MYOZ2: variants seen among roughly 807,000 people sequenced by gnomAD.
MYOZ2 encodes the protein myozenin 2.
MYOZ2 carries 19 observed loss-of-function variants against 25.4 expected under a neutral mutation model. The ratio of observed to expected loss-of-function variants is 0.75; its 90% CI spans 0.52 to 1.10. The LOEUF (loss-of-function observed/expected upper bound fraction) is 1.10, where lower values mean the gene tolerates loss of function less well. Among genes scored for constraint, MYOZ2 ranks in the 50% least tolerant of loss-of-function variants. The pLI, the probability that MYOZ2 is intolerant of heterozygous loss-of-function variation, is 0.00. For synonymous variants in MYOZ2, 92 were observed against 106.9 expected, an observed-to-expected ratio of 0.86 and a Z score of 0.86; for missense variants, 270 against 317.9, an observed-to-expected ratio of 0.85 and a Z score of 1.15.
intron 5 of MYOZ2, among the ~76,000 whole-genome samples, chr4:119,180,371 C>T (rs879735105): frequency 1.3e-5 from 2 of 152,130 alleles, no homozygotes; most frequent in African/African-American, 2.4e-5. Context: ...ACTCCTGATT[C>T]CCACCTATGC....
intron 3 of MYOZ2, among the ~76,000 whole-genome samples, chr4:119,154,779 T>G (rs894651370): frequency 6.6e-6 from 1 of 151,908 alleles, no homozygotes; most frequent in African/African-American, 2.4e-5. Flanking sequence ...AGTAAAAACA[T>G]AAAGATACTA....
chr4:119,152,083 A>G (rs1412681449), intron 3 of MYOZ2, among the ~76,000 whole-genome samples: 1 of 152,162 alleles, frequency 6.6e-6, no homozygotes, highest in African/African-American at 2.4e-5. Flanking sequence ...TGTTGAGAGG[A>G]CACTTAACAA....
At chr4:119,153,665 A>G (rs1370082387) in intron 3 of MYOZ2, among the ~76,000 whole-genome samples, 2 of 152,078 alleles carry the variant, frequency 1.3e-5, no homozygotes, top group African/African-American at 2.4e-5. Flanking sequence ...GACCTCATAT[A>G]AATGAAAATA....
At chr4:119,167,372 G>C (rs1741845809) in intron 5 of MYOZ2, among the ~76,000 whole-genome samples, 1 of 152,200 alleles carries the variant, frequency 6.6e-6, no homozygotes, top group African/African-American at 2.4e-5. Context: ...GGCTTAGAGA[G>C]AGGCAAGGGA....
At chr4:119,151,540 A>T (rs1158276613) in intron 3 of MYOZ2, among the ~76,000 whole-genome samples, 1 of 152,104 alleles carries the variant, frequency 6.6e-6, no homozygotes, top group African/African-American at 2.4e-5. Context: ...CACTAATGAC[A>T]AAAACTAGTT....
intron 5 of MYOZ2, among the ~76,000 whole-genome samples, chr4:119,171,111 A>G (rs1741936699): frequency 1.3e-5 from 2 of 152,140 alleles, no homozygotes; most frequent in South Asian, 4.1e-4. Flanking sequence ...GTTTTCAGAG[A>G]AAGATGCTGT....
chr4:119,141,921 C>T (rs1321262206), intron 2 of MYOZ2, among the ~76,000 whole-genome samples: 1 of 152,204 alleles, frequency 6.6e-6, no homozygotes. Flanking sequence ...GCATTAGATT[C>T]CTTAACTCAC....
At chr4:119,157,776 A>G (rs1018543844) in intron 3 of MYOZ2, among the ~76,000 whole-genome samples, 2 of 152,178 alleles carry the variant, frequency 1.3e-5, no homozygotes, top group African/African-American at 4.8e-5. Context: ...GTAAGTCTCA[A>G]TTTCAGCTCT....
chr4:119,139,005 C>T (rs536136676), intron 2 of MYOZ2, among the ~76,000 whole-genome samples: 4 of 152,248 alleles, frequency 2.6e-5, no homozygotes, highest in African/African-American at 9.6e-5. Flanking sequence ...AAATTCTCTT[C>T]ATATAGATTA....
chr4:119,151,485 C>T (rs1245063938), intron 3 of MYOZ2, among the ~76,000 whole-genome samples: 1 of 152,082 alleles, frequency 6.6e-6, no homozygotes, highest in Non-Finnish European at 1.5e-5. Context: ...CATTCAATGC[C>T]CTCTCAAAGC....
At chr4:119,174,981 T>G (rs940256929) in intron 5 of MYOZ2, among the ~76,000 whole-genome samples, 1 of 151,878 alleles carries the variant, frequency 6.6e-6, no homozygotes, top group Non-Finnish European at 1.5e-5. Context: ...GCTTCACTCC[T>G]GAGCCAGTGA....
intron 3 of MYOZ2, among the ~76,000 whole-genome samples, chr4:119,155,462 C>T (rs1741552408): frequency 6.6e-6 from 1 of 151,952 alleles, no homozygotes; most frequent in African/African-American, 2.4e-5. Flanking sequence ...GAGACATTTC[C>T]GGTAGATTAA....
chr4:119,186,485 T>C lies in MYOZ2; in HGVS notation c.*285T>C, dbSNP rs1273116016. On this transcript the variant is annotated 3_prime_UTR_variant, in exon 6 of 6. Transcript: ENST00000307128. Reference sequence around the variant, plus strand: ...GCAAAAGTTCAGATGGAAAAGTAATTGACAGTTTCACCTTTGTCTCATTTT... The same window carrying C: ...GCAAAAGTTCAGATGGAAAAGTAATCGACAGTTTCACCTTTGTCTCATTTT... The C allele has an allele frequency of 1.0e-5, 4 of 399,412 alleles. No individual in the cohort carries two copies. Among genetic ancestry groups the C allele is most frequent in the Non-Finnish European group, 1.8e-5 (4 of 220,602 alleles). The allele number at this position is 399,412 out of a possible 1,614,324, so 24.7% of individuals were successfully genotyped here. A position where few individuals can be genotyped will look rare whatever the true frequency, so the allele number is the denominator to read the frequency against.
chr4:119,170,623 G>T (rs1741928186), intron 5 of MYOZ2, among the ~76,000 whole-genome samples: 1 of 152,188 alleles, frequency 6.6e-6, no homozygotes, highest in South Asian at 2.1e-4. Context: ...GAGGCAGAAA[G>T]TGTTCAAGCT....
intron 2 of MYOZ2, among the ~76,000 whole-genome samples, chr4:119,143,125 C>T (rs1191995696): frequency 6.6e-6 from 1 of 152,066 alleles, no homozygotes; most frequent in Non-Finnish European, 1.5e-5. Context: ...GTGGGGTACT[C>T]ATGGCTTAAT....
At chr4:119,147,549 T>G (rs1231880903) in intron 2 of MYOZ2, among the ~76,000 whole-genome samples, 2 of 152,058 alleles carry the variant, frequency 1.3e-5, no homozygotes, top group African/African-American at 4.8e-5. Flanking sequence ...GAGACCAGCC[T>G]GGCCAACGTG....
chr4:119,161,506 A>G (rs1741709432), intron 4 of MYOZ2, among the ~76,000 whole-genome samples: 1 of 152,290 alleles, frequency 6.6e-6, no homozygotes, highest in East Asian at 1.9e-4. Flanking sequence ...TTTCAGTTAT[A>G]TTAAAACATA....
At chr4:119,152,661 A>G (rs547380190) in intron 3 of MYOZ2, among the ~76,000 whole-genome samples, 96 of 152,222 alleles carry the variant, frequency 6.3e-4, no homozygotes, top group Non-Finnish European at 1.2e-3. Flanking sequence ...ACAATTTTTC[A>G]CTATTCCCTG....
At chr4:119,139,625 G>A (rs1463255419) in intron 2 of MYOZ2, among the ~76,000 whole-genome samples, 1 of 152,194 alleles carries the variant, frequency 6.6e-6, no homozygotes, top group Non-Finnish European at 1.5e-5. Context: ...CAATCAGAAT[G>A]AAATAAGGAG....
Sources: allele counts gnomAD v4.1 joint callset (sites outside exome capture counted in the v4.1 genomes callset), GRCh38; gene constraint gnomAD v4.1.1; transcripts MANE v1.5; gene names NCBI Gene and HGNC (gene_info 2026-07-23, HGNC 2026-07-21).